DNAH5: variants seen among roughly 807,000 people sequenced by gnomAD.
DNAH5 encodes the protein dynein axonemal heavy chain 5.
In DNAH5, 372 loss-of-function variants were observed where a neutral mutation model predicts 518.2. That is an observed-to-expected ratio of 0.72 (90% confidence interval 0.66 to 0.78). The LOEUF is 0.78. DNAH5 is among the 30% of genes least tolerant of loss of function. DNAH5 has a pLI of 0.00. For missense variants in DNAH5, 5,523 were observed against 5,687.0 expected, an observed-to-expected ratio of 0.97 and a Z score of 0.93; for synonymous variants, 2,039 against 2,025.9, an observed-to-expected ratio of 1.01 and a Z score of -0.17.
intron 23 of DNAH5, among the ~76,000 whole-genome samples, chr5:13,871,228 A>T (rs968376988): frequency 4.6e-5 from 7 of 152,180 alleles, no homozygotes; most frequent in Non-Finnish European, 7.4e-5. Flanking sequence ...ATGTTTTTTT[A>T]AAAAAGCACA....
chr5:13,855,103 T>G (rs939135029), intron 30 of DNAH5, among the ~76,000 whole-genome samples: 4 of 152,182 alleles, frequency 2.6e-5, no homozygotes, highest in Non-Finnish European at 4.4e-5. Flanking sequence ...TCTCTCACTA[T>G]GATGCAGAAT....
At chr5:13,942,835 C>T (rs1382129956) in intron 1 of DNAH5, among the ~76,000 whole-genome samples, 2 of 152,198 alleles carry the variant, frequency 1.3e-5, no homozygotes, top group African/African-American at 2.4e-5. Context: ...TCTCCCATCA[C>T]TCCCCAGATA....
intron 11 of DNAH5, among the ~76,000 whole-genome samples, chr5:13,912,730 A>T (rs1580859233): frequency 6.6e-6 from 1 of 151,876 alleles, no homozygotes; most frequent in Admixed American, 6.6e-5. Context: ...ATTTTGATGT[A>T]GTAATTTTAA....
intron 75 of DNAH5, 56 bp from the exon 76 acceptor site, chr5:13,708,391 G>T: frequency 1.3e-6 from 2 of 1,575,896 alleles, no homozygotes; most frequent in South Asian, 2.2e-5. Context: ...GGATTTTATA[G>T]ACCTGGTGCC....
At chr5:13,947,604 T>C (rs1780034285), upstream of DNAH5, among the ~76,000 whole-genome samples, 1 of 152,224 alleles carries the variant, frequency 6.6e-6, no homozygotes, top group Admixed American at 6.5e-5. Context: ...AATCTTAACC[T>C]AACCCACACA....
intron 70 of DNAH5, among the ~76,000 whole-genome samples, chr5:13,727,226 G>A (rs946663011): frequency 1.3e-5 from 2 of 152,122 alleles, no homozygotes; most frequent in Admixed American, 1.3e-4. Context: ...CGCATTACCT[G>A]TATGTTATAC....
chr5:13,735,320 A>G lies in DNAH5; in HGVS notation c.11572T>C (p.Ser3858Pro). Residue 3858 changes from serine to proline, a missense_variant and splice_region_variant, in exon 68 of 79, where the codon TCT (serine) becomes CCT (proline). Ser to Pro is a moderately conservative substitution (Grantham distance 74). Coordinates refer to ENST00000265104, the MANE Select transcript of DNAH5 (RefSeq NM_001369.3). ...TTGCTTGTAATCGGGCTCTTGACAG[A>G]CCTGGTGAATAGAATATTTAAATCA... ...LGLFDLSLAR[S>P]VKSPITSKRI... The G allele has an allele frequency of 6.2e-7, 1 of 1,613,898 alleles. No individual in the cohort carries two copies. Among genetic ancestry groups the G allele is most frequent in the Non-Finnish European group, 8.5e-7 (1 of 1,179,886 alleles).
At chr5:13,772,874 T>C (rs1056967420) in intron 55 of DNAH5, among the ~76,000 whole-genome samples, 26 of 152,330 alleles carry the variant, frequency 1.7e-4, no homozygotes, top group African/African-American at 6.3e-4. Context: ...AATAATTTAA[T>C]TCAGAATCAA....
rs770816609 is a variant in DNAH5, at chr5:13,876,773, T to C, written c.3307A>G (p.Thr1103Ala). 9.3e-6 allele frequency: 15 copies of C among 1,613,780 alleles called. No individual in the cohort carries two copies. Among genetic ancestry groups the C allele is most frequent in the Non-Finnish European group, 1.2e-5 (14 of 1,179,854 alleles). ...GAAACATTCTTATAATAGTTCTTGG[T>C]TTGCACGGGAATGGGTAAATTTACA... ...ASVNLPIPVQ[T>A]KNYYKNVSEN... Residue 1103 changes from threonine to alanine, a missense_variant, in exon 22 of 79, where the codon ACC becomes GCC. By Grantham distance (58) the Thr-to-Ala change is moderately conservative (BLOSUM62 0). Around this residue, in one of 3 missense-constraint regions of DNAH5, gnomAD observed 5,121 missense variants for 5,223.3 expected, o/e 0.98. Transcript: ENST00000265104.
At chr5:13,741,296 A>G (rs1414969006) in intron 65 of DNAH5, among the ~76,000 whole-genome samples, 1 of 152,212 alleles carries the variant, frequency 6.6e-6, no homozygotes, top group East Asian at 1.9e-4. Flanking sequence ...TCATGCTCTG[A>G]GCACAGTGAA....
intron 1 of DNAH5, among the ~76,000 whole-genome samples, chr5:13,957,682 G>A (rs1023857337): frequency 4.6e-5 from 7 of 151,782 alleles, no homozygotes; most frequent in Admixed American, 6.6e-5. Context: ...TATCCATATA[G>A]TAATCCCAAT....
chr5:13,829,497 C>G lies in DNAH5; in HGVS notation c.6444+13G>C, dbSNP rs758197478. The G allele has an allele frequency of 1.2e-6, 2 of 1,613,844 alleles. No individual in the cohort carries two copies. The highest frequency in any genetic ancestry group is 1.7e-6 in the Non-Finnish European group (2 of 1,179,838). Reference sequence around the variant, plus strand: ...AACATGCCTAAGTGCATAAGACCTCCAGGATGACACACCTGCTTAGAAAGC... The same window carrying G: ...AACATGCCTAAGTGCATAAGACCTCGAGGATGACACACCTGCTTAGAAAGC... On this transcript the variant is annotated intron_variant, in intron 38 of 78. Coordinates refer to ENST00000265104, the MANE Select transcript of DNAH5 (RefSeq NM_001369.3).
chr5:13,913,581 T>C (rs1435276992), intron 11 of DNAH5, among the ~76,000 whole-genome samples, 162 bp downstream of exon 11: 1 of 152,116 alleles, frequency 6.6e-6, no homozygotes, highest in African/African-American at 2.4e-5. Context: ...ATTACACAAT[T>C]CTCAAACAAA....
chr5:13,716,397 G>A, intron 74 of DNAH5, 90 bp downstream of exon 74: 1 of 909,434 alleles, frequency 1.1e-6, no homozygotes, highest in Admixed American at 1.9e-5. Flanking sequence ...AAAATGTATT[G>A]TAAAAGCAAT....
At chr5:13,901,173 A>G (rs1774549931) in intron 14 of DNAH5, 79 bp downstream of exon 14, 3 of 1,495,780 alleles carry the variant, frequency 2.0e-6, no homozygotes. Context: ...CAGCTTTCTA[A>G]AGAAATAACA....
chr5:13,958,488 A>G (rs1241239644), intron 1 of DNAH5, among the ~76,000 whole-genome samples: 1 of 151,914 alleles, frequency 6.6e-6, no homozygotes, highest in Non-Finnish European at 1.5e-5. Flanking sequence ...CTTTCCATTG[A>G]TTTTATTTTT....
At chr5:13,989,482 CTTTTT>C (rs34462296) in intron 1 of DNAH5, among the ~76,000 whole-genome samples, 3 of 128,794 alleles carry the variant, frequency 2.3e-5, no homozygotes, top group Non-Finnish European at 1.6e-5. Flanking sequence ...TAGAGGGAGA[CTTTTT>C]TTTTTTTTTT....
chr5:13,752,845 G>A (rs1464804255), intron 63 of DNAH5, among the ~76,000 whole-genome samples: 2 of 152,290 alleles, frequency 1.3e-5, no homozygotes, highest in South Asian at 2.1e-4. Flanking sequence ...AGCATGTAAA[G>A]GCTCTGTGTG....
At chr5:13,820,704 A>G (rs896908970) in intron 40 of DNAH5, among the ~76,000 whole-genome samples, 6 of 151,910 alleles carry the variant, frequency 3.9e-5, no homozygotes, top group South Asian at 4.2e-4. Flanking sequence ...GGGCACCTGT[A>G]GTCCCAGCTA....
Sources: gnomAD v4.1 joint callset for allele counts (sites outside exome capture counted in the v4.1 genomes callset) on GRCh38, gnomAD v4.1.1 for gene constraint, gnomAD v4.1.1 regional missense constraint, MANE v1.5 for transcripts, NCBI Gene and HGNC (gene_info 2026-07-23, HGNC 2026-07-21) for gene names.